The following WIPI2 variants were observed in gnomAD, a reference collection of about 807,000 sequenced individuals.
The protein encoded by WIPI2 is WD repeat domain phosphoinositide-interacting protein 2.
Under a neutral mutation model 52.3 loss-of-function variants are expected in WIPI2, and 28 were observed. The observed-to-expected ratio is 0.54, with a 90% confidence interval of 0.40 to 0.73. The LOEUF is 0.73. Ranked by LOEUF, WIPI2 falls within the 30% of genes least tolerant of loss-of-function variation. The pLI is 0.00. For missense variants in WIPI2, 506 were observed against 602.9 expected (o/e 0.84, Z 1.68); for synonymous variants, 268 against 245.0 (o/e 1.09, Z -0.88).
At position 5,227,929 on chromosome 7, in the gene WIPI2, C is replaced by T. The variant is rs1783519913; in HGVS notation, c.1014-175C>T. ...CCCGTGGGCTTCAGGGCTCAGCACA[C>T]GAGTGCAGCCTTGGCCGTGTGAGCC... On this transcript the variant is annotated intron_variant, in intron 10 of 12. Transcript: ENST00000288828. This position sits in a 1 kb window ranked among gnomAD's most constrained non-coding sequence, Gnocchi z 8.1. Among the ~76,000 whole-genome samples, 1 of 152,234 alleles carries T rather than the reference C, an allele frequency of 6.6e-6. No individual in the cohort carries two copies. The highest frequency in any genetic ancestry group is 2.1e-4 in the South Asian group (1 of 4,828).
chr7:5,221,516 A>G (rs75825124), intron 7 of WIPI2, among the ~76,000 whole-genome samples: 7,598 of 152,114 alleles, frequency 0.05, 322 homozygotes, highest in East Asian at 0.14. Context: ...CCATCAGTCT[A>G]TTTCTTTTTG....
chr7:5,230,763 T>C lies in WIPI2; in HGVS notation c.1253-72T>C, dbSNP rs1562412438. On this transcript the variant is annotated intron_variant, in intron 12 of 12. Coordinates refer to ENST00000288828, the MANE Select transcript of WIPI2 (RefSeq NM_015610.4). This position sits in a 1 kb window ranked among gnomAD's most constrained non-coding sequence, Gnocchi z 4.8. ...ATACACCAGTGTTTCCAAAACACAG[T>C]CCTCAGTGTGTGTCATGGGGTCTGT... The C allele has an allele frequency of 8.9e-7, 1 of 1,121,112 alleles. No individual in the cohort carries two copies. 69.4% of individuals were successfully genotyped at this position (1,121,112 alleles called of 1,614,324 possible). A position where few individuals can be genotyped will look rare whatever the true frequency, so the allele number is the denominator to read the frequency against.
intron 3 of WIPI2, among the ~76,000 whole-genome samples, chr7:5,211,310 A>G (rs1026519016): frequency 6.6e-6 from 1 of 152,134 alleles, no homozygotes; most frequent in Non-Finnish European, 1.5e-5. Flanking sequence ...TGTCTCTACT[A>G]AAAATACAAA....
chr7:5,198,124 C>T (rs1359437272), intron 2 of WIPI2, among the ~76,000 whole-genome samples: 1 of 152,058 alleles, frequency 6.6e-6, no homozygotes, highest in East Asian at 1.9e-4. Context: ...CCTTGTAAGC[C>T]AACGACGGGG....
chr7:5,196,967 C>A (rs1388379728), intron 2 of WIPI2, among the ~76,000 whole-genome samples: 2 of 151,796 alleles, frequency 1.3e-5, no homozygotes, highest in East Asian at 3.9e-4. Context: ...CAAAAATTAG[C>A]CGGGCGTGGT....
At chr7:5,229,826 A>AGCT in intron 12 of WIPI2, 88 bp downstream of exon 12, 3 of 1,545,930 alleles carry the variant, frequency 1.9e-6, no homozygotes, top group Non-Finnish European at 2.6e-6. Flanking sequence ...CCACCCCACC[A>AGCT]GCTCCTCACT....
At position 5,205,442 on chromosome 7, in the gene WIPI2, A is replaced by G. The variant is rs549349304; in HGVS notation, c.211+5784A>G. On this transcript the variant is annotated intron_variant, in intron 3 of 12. Transcript: ENST00000288828. ...CCCCAGAACACTCAGTGTTTAGCAT[A>G]TGGTTTCAGCGACGTTAGAGATTCA... Among the ~76,000 whole-genome samples the G allele has an allele frequency of 2.0e-5, 3 of 152,298 alleles. No homozygotes were observed. The South Asian group carries it at 6.2e-4, about 32-fold the overall frequency.
intron 3 of WIPI2, among the ~76,000 whole-genome samples, chr7:5,213,975 G>T (rs549878948): frequency 6.6e-6 from 1 of 152,222 alleles, no homozygotes; most frequent in African/African-American, 2.4e-5. Context: ...GTGAGCCACC[G>T]CGCCCGGCCC....
chr7:5,212,160 G>C (rs1782591404), intron 3 of WIPI2, among the ~76,000 whole-genome samples: 1 of 152,156 alleles, frequency 6.6e-6, no homozygotes. Flanking sequence ...AGTGTGGAAG[G>C]AGCTCCTCGT....
Position 5,227,946 on chromosome 7 carries a change from G to A in WIPI2, c.1014-158G>A, listed in dbSNP as rs1219363457. On this transcript the variant is annotated intron_variant, in intron 10 of 12. Transcript: ENST00000288828. This position sits in a 1 kb window ranked among gnomAD's most constrained non-coding sequence, Gnocchi z 8.1. The stretch of plus-strand genomic sequence containing the variant: ...TCAGCACACGAGTGCAGCCTTGGCC[G>A]TGTGAGCCGAGGTCAGTGGGGCGCC... 1.3e-5 allele frequency among the ~76,000 whole-genome samples: 2 copies of A among 152,188 alleles called. No homozygotes were observed. The highest frequency in any genetic ancestry group is 2.9e-5 in the Non-Finnish European group (2 of 68,040).
At chr7:5,209,530 A>G (rs976178288) in intron 3 of WIPI2, among the ~76,000 whole-genome samples, 1 of 152,072 alleles carries the variant, frequency 6.6e-6, no homozygotes, top group Admixed American at 6.6e-5. Flanking sequence ...CTTTTTCTGC[A>G]TCTGTTGGGT....
intron 11 of WIPI2, 86 bp downstream of exon 11, chr7:5,228,297 T>G (rs1203914283): frequency 8.0e-7 from 1 of 1,246,308 alleles, no homozygotes; most frequent in African/African-American, 1.5e-5. Flanking sequence ...TTTATTTCCT[T>G]GCAAACCAGT....
At position 5,229,729 on chromosome 7, in the gene WIPI2, A is replaced by G. The variant is rs750729715; in HGVS notation, c.1243A>G (p.Thr415Ala). ...GKGTYVPSSP[T>A]RLAYTDDLGA... The stretch of plus-strand genomic sequence containing the variant: ...AGGTACTTACGTGCCTTCATCCCCA[A>G]CGAGACTTGGTAAGGGGCGTGACGC... The change falls in exon 12 of 13, where the codon ACG (threonine) becomes GCG (alanine). Residue 415 changes from threonine to alanine, a missense_variant. Transcript: ENST00000288828. The G allele has an allele frequency of 6.6e-5, 106 of 1,613,738 alleles. No individual in the cohort carries two copies. Among genetic ancestry groups the G allele is most frequent in the Non-Finnish European group, 8.1e-5 (95 of 1,179,770 alleles).
intron 8 of WIPI2, among the ~76,000 whole-genome samples, chr7:5,224,535 A>G (rs1463153332): frequency 1.3e-5 from 2 of 152,184 alleles, no homozygotes; most frequent in African/African-American, 4.8e-5. Context: ...TACTCAAATC[A>G]GTCTGTCTGA....
intron 3 of WIPI2, among the ~76,000 whole-genome samples, chr7:5,209,822 T>C (rs1462007557): frequency 1.3e-5 from 2 of 152,196 alleles, no homozygotes; most frequent in Non-Finnish European, 2.9e-5. Context: ...GCTCCTGTAT[T>C]TGAAGACAGA....
chr7:5,201,199 G>A (rs1340175235), intron 3 of WIPI2, among the ~76,000 whole-genome samples: 4 of 152,220 alleles, frequency 2.6e-5, no homozygotes, highest in African/African-American at 9.6e-5. Flanking sequence ...ACGAATGACT[G>A]AAACTCAGTC....
At chr7:5,228,082 G>A in intron 10 of WIPI2, 22 bp from the exon 11 acceptor site, 1 of 1,610,710 alleles carries the variant, frequency 6.2e-7, no homozygotes, top group Middle Eastern at 1.7e-4. Context: ...TCTAGAATTT[G>A]GCTGCTCTTT....
At chr7:5,206,342 C>T (rs950234947) in intron 3 of WIPI2, among the ~76,000 whole-genome samples, 1 of 152,182 alleles carries the variant, frequency 6.6e-6, no homozygotes, top group African/African-American at 2.4e-5. Flanking sequence ...CTCTTCCAAA[C>T]TTCAATAAAG....
At chr7:5,218,192 G>T in intron 7 of WIPI2, 178 bp downstream of exon 7, 1 of 599,516 alleles carries the variant, frequency 1.7e-6, no homozygotes, top group Non-Finnish European at 3.0e-6. Context: ...AGCGGAGCTT[G>T]CAGTGTGCCA....
Sources: gnomAD v4.1 joint callset for allele counts (sites outside exome capture counted in the v4.1 genomes callset) on GRCh38, gnomAD v4.1.1 for gene constraint, Gnocchi (gnomAD v3.1) non-coding constraint, MANE v1.5 for transcripts, NCBI Gene and HGNC (gene_info 2026-07-23, HGNC 2026-07-21) for gene names.